Variants in ERI3 observed in about 807,000 individuals in gnomAD.
The protein encoded by ERI3 is ERI1 exoribonuclease family member 3, also known as ERI1 exoribonuclease 3.
Under a neutral mutation model 44.4 loss-of-function variants are expected in ERI3, and 18 were observed. That is an observed-to-expected ratio of 0.41 (90% CI 0.28 to 0.60). ERI3 has a LOEUF of 0.60. Ranked by LOEUF, ERI3 falls within the 20% of genes least tolerant of loss-of-function variation. The pLI is 0.36. For missense variants in ERI3, 294 were observed against 435.5 expected (o/e 0.68, Z 2.89); for synonymous variants, 183 against 164.8 (o/e 1.11, Z -0.84).
Position 44,228,502 on chromosome 1 carries a change from C to T in ERI3, c.932-6862G>A, listed in dbSNP as rs772684346. On this transcript the variant is annotated intron_variant, in intron 8 of 8. Coordinates refer to ENST00000372257, the MANE Select transcript of ERI3 (RefSeq NM_024066.3). This position sits in a 1 kb window ranked among gnomAD's most constrained non-coding sequence, Gnocchi z 4.3. ...GAGTTTATCACTTCAGAGAAGTATG[C>T]GGACCGAAGATGTTTTTAAAAAAAT... Among the ~76,000 whole-genome samples, 2 of 152,086 alleles carry T rather than the reference C, an allele frequency of 1.3e-5. No homozygotes were observed. Among genetic ancestry groups the T allele is most frequent in the African/African-American group, 2.4e-5 (1 of 41,400 alleles).
chr1:44,299,991 C>T (rs1160743211), intron 6 of ERI3, among the ~76,000 whole-genome samples: 1 of 152,140 alleles, frequency 6.6e-6, no homozygotes, highest in African/African-American at 2.4e-5. Flanking sequence ...GTTAGCCCAA[C>T]TCTGGGCTAA....
intron 8 of ERI3, among the ~76,000 whole-genome samples, chr1:44,242,305 C>A (rs980927630): frequency 1.3e-5 from 2 of 152,234 alleles, no homozygotes; most frequent in African/African-American, 4.8e-5. Context: ...GGAAGGACAT[C>A]AAGGTCTGTA....
chr1:44,309,640 C>A (rs1302182454), intron 5 of ERI3, among the ~76,000 whole-genome samples: 1 of 151,964 alleles, frequency 6.6e-6, no homozygotes, highest in Non-Finnish European at 1.5e-5. Flanking sequence ...TCTTGGCTCA[C>A]TGCAAGCTCC....
chr1:44,238,559 G>T (rs774538873), intron 8 of ERI3, among the ~76,000 whole-genome samples: 1 of 152,104 alleles, frequency 6.6e-6, no homozygotes, highest in Non-Finnish European at 1.5e-5. Flanking sequence ...AGATCACAAG[G>T]CCTGGCCACC....
intron 2 of ERI3, among the ~76,000 whole-genome samples, chr1:44,348,142 A>C (rs993076318): frequency 3.9e-5 from 6 of 152,242 alleles, no homozygotes; most frequent in African/African-American, 1.4e-4. Flanking sequence ...CCTAAGCAGC[A>C]AACAAAGCTT....
intron 8 of ERI3, among the ~76,000 whole-genome samples, chr1:44,223,602 CAGAAA>C (rs900116299): frequency 6.6e-6 from 1 of 152,202 alleles, no homozygotes; most frequent in Non-Finnish European, 1.5e-5. Context: ...TTTCTTCCAG[CAGAAA>C]AGAAAATTAG....
chr1:44,288,286 AG>A (rs1645435170), intron 6 of ERI3, among the ~76,000 whole-genome samples: 1 of 152,176 alleles, frequency 6.6e-6, no homozygotes, highest in African/African-American at 2.4e-5. Flanking sequence ...AGTCACTTGC[AG>A]GTACACATGC....
chr1:44,337,054 T>C (rs1235521669), intron 3 of ERI3, among the ~76,000 whole-genome samples: 18 of 152,190 alleles, frequency 1.2e-4, no homozygotes, highest in Admixed American at 1.2e-3. Flanking sequence ...GAAAGAAAGA[T>C]GAAAGGTGAC....
chr1:44,333,735 T>C (rs1646477117), intron 3 of ERI3, among the ~76,000 whole-genome samples: 1 of 152,202 alleles, frequency 6.6e-6, no homozygotes, highest in Non-Finnish European at 1.5e-5. Context: ...CACAAAAGAC[T>C]AGTAATGATG....
chr1:44,347,708 C>G (rs1646811497), intron 2 of ERI3, among the ~76,000 whole-genome samples: 1 of 151,330 alleles, frequency 6.6e-6, no homozygotes, highest in Admixed American at 6.6e-5. Context: ...CTTCTACTAC[C>G]AGTAATTTTC....
rs10670781 is a variant in ERI3 at position 44,317,144 on chromosome 1, GCA to G, written c.606+2482_606+2483del. ...GTGCACATGTCATACGCATGTGCGT[GCA>G]CACACACACACACACACACACTGGG... On this transcript the variant is annotated intron_variant, in intron 4 of 8. Transcript: ENST00000372257. Among the ~76,000 whole-genome samples, 560 of 151,062 alleles carry G rather than the reference GCA, an allele frequency of 3.7e-3. 4 individuals are homozygous for G. The highest frequency in any genetic ancestry group is 0.011 in the African/African-American group (471 of 41,160).
At position 44,231,583 on chromosome 1, in the gene ERI3, G is replaced by A. The variant is rs147028389; in HGVS notation, c.932-9943C>T. Among the ~76,000 whole-genome samples, 504 of 152,142 alleles carry A rather than the reference G, an allele frequency of 3.3e-3. 1 individual carries two copies. Among genetic ancestry groups the A allele is most frequent in the African/African-American group, 0.011 (462 of 41,500 alleles). Reference sequence around the variant, plus strand: ...GGGGTCTTGCTATGTTACCAAGGCTGGTTCCTCCTACCCCAGCCTCCCAAA... The same window carrying A: ...GGGGTCTTGCTATGTTACCAAGGCTAGTTCCTCCTACCCCAGCCTCCCAAA... On this transcript the variant is annotated intron_variant, in intron 8 of 8. Coordinates refer to ENST00000372257, the MANE Select transcript of ERI3 (RefSeq NM_024066.3).
At chr1:44,234,312 T>G (rs1360092440) in intron 8 of ERI3, among the ~76,000 whole-genome samples, 1 of 152,228 alleles carries the variant, frequency 6.6e-6, no homozygotes, top group African/African-American at 2.4e-5. Context: ...GCAGTGCCCC[T>G]GCCAATCTTT....
chr1:44,284,916 A>G lies in ERI3; in HGVS notation c.759-9T>C, dbSNP rs780236741. 6.2e-7 allele frequency: 1 copy of G among 1,613,492 alleles called. No individual in the cohort carries two copies. Among genetic ancestry groups the G allele is most frequent in the African/African-American group, 1.3e-5 (1 of 74,882 alleles). On this transcript the variant is annotated splice_polypyrimidine_tract_variant and intron_variant, in intron 6 of 8. Coordinates refer to ENST00000372257, the MANE Select transcript of ERI3 (RefSeq NM_024066.3). The stretch of plus-strand genomic sequence containing the variant: ...GGCACTGGCCTGGGAGCCTACAAAA[A>G]AAAGGGAAGAGAGAACAAGTTGGGC...
chr1:44,338,560 C>A (rs1178780079), intron 3 of ERI3, among the ~76,000 whole-genome samples: 2 of 152,212 alleles, frequency 1.3e-5, no homozygotes, highest in Non-Finnish European at 2.9e-5. Flanking sequence ...GACTGCAATA[C>A]TTTTTATAAC....
chr1:44,225,345 C>T (rs939743325), intron 8 of ERI3, among the ~76,000 whole-genome samples: 3 of 152,166 alleles, frequency 2.0e-5, no homozygotes, highest in Non-Finnish European at 2.9e-5. Context: ...GTGACCTCAG[C>T]TCACTGCAAC....
At chr1:44,308,221 T>C (rs965765588) in intron 6 of ERI3, 89 bp downstream of exon 6, 5 of 900,504 alleles carry the variant, frequency 5.6e-6, no homozygotes, top group Non-Finnish European at 9.3e-6. Context: ...CTGATCCAGC[T>C]GCCTTGTAGA....
chr1:44,229,435 G>A (rs1644124379), intron 8 of ERI3, among the ~76,000 whole-genome samples: 1 of 151,970 alleles, frequency 6.6e-6, no homozygotes, highest in Non-Finnish European at 1.5e-5. Context: ...CAGGCTGGGT[G>A]GGGGCCAGGC....
intron 7 of ERI3, chr1:44,283,897 G>A: frequency 2.4e-6 from 1 of 421,032 alleles, no homozygotes. Context: ...CACCTTCCTT[G>A]AATGCCCAGG....
Sources: allele counts gnomAD v4.1 joint callset (sites outside exome capture counted in the v4.1 genomes callset), GRCh38; gene constraint gnomAD v4.1.1; non-coding constraint Gnocchi (gnomAD v3.1); transcripts MANE v1.5; gene names NCBI Gene and HGNC (gene_info 2026-07-23, HGNC 2026-07-21).